The following ZFP62 variants were observed in gnomAD, a reference collection of about 807,000 sequenced individuals.
ZFP62 encodes the protein zinc finger protein 62 homolog.
In ZFP62, 44 loss-of-function variants were observed where a neutral mutation model predicts 56.4. That is an observed-to-expected ratio of 0.78 (90% CI 0.61 to 1.00). The LOEUF is 1.00. Among genes scored for constraint, ZFP62 ranks in the 50% least tolerant of loss-of-function variants. ZFP62 has a pLI of 0.00. For synonymous variants in ZFP62, 421 were observed against 388.9 expected (o/e 1.08, Z -0.97); for missense variants, 1,030 against 1,085.7 (o/e 0.95, Z 0.72).
intron 1 of ZFP62, among the ~76,000 whole-genome samples, chr5:180,852,521 T>C (rs1360327653): frequency 7.2e-6 from 1 of 139,396 alleles, no homozygotes; most frequent in Non-Finnish European, 1.5e-5. Flanking sequence ...TCCACTGCAC[T>C]CCAGCCTGGT....
intron 1 of ZFP62, among the ~76,000 whole-genome samples, chr5:180,853,417 C>A (rs1773816896): frequency 2.0e-5 from 3 of 152,204 alleles, no homozygotes; most frequent in Admixed American, 2.0e-4. Flanking sequence ...TGAGGTTCAT[C>A]ACCTACAAGG....
Position 180,847,780 on chromosome 5 carries a change from A to C in ZFP62, c.*1012T>G. On this transcript the variant is annotated 3_prime_UTR_variant, in exon 2 of 2. Coordinates refer to ENST00000502412, the MANE Select transcript of ZFP62 (RefSeq NM_001172638.2). ...CTTTACAATAACACATTCCAAAAAC[A>C]ATCAAACATTTAACAGGATTATTAA... is the stretch of plus-strand genomic sequence containing the variant. 2 of 985,454 alleles carry C rather than the reference A, an allele frequency of 2.0e-6. No homozygotes were observed. The allele number at this position is 985,454 out of a possible 1,614,324, so 61.0% of individuals were successfully genotyped here.
the ZFP62 span, chr5:180,831,610 G>C: frequency 9.2e-5 from 14 of 152,680 alleles, no homozygotes; most frequent in African/African-American, 3.4e-4. Flanking sequence ...CCCAGCAGGG[G>C]GCGGGGACGC....
chr5:180,836,463 G>C, the ZFP62 span, among the ~76,000 whole-genome samples: 1 of 152,156 alleles, frequency 6.6e-6, no homozygotes, highest in Non-Finnish European at 1.5e-5. Context: ...TCCCCTGTGG[G>C]TCTCTCAATC....
downstream of ZFP62, among the ~76,000 whole-genome samples, chr5:180,846,242 C>A (rs189741811): frequency 6.6e-6 from 1 of 152,112 alleles, no homozygotes; most frequent in Non-Finnish European, 1.5e-5. Context: ...AGATGGGGGC[C>A]GCAGTAGGAG....
chr5:180,834,934 C>G, the ZFP62 span: 1 of 149,698 alleles, frequency 6.7e-6, no homozygotes, highest in Non-Finnish European at 1.5e-5. Context: ...GACACAAAAG[C>G]TTGCTCTCTC....
the ZFP62 span, chr5:180,834,429 T>C: frequency 2.0e-5 from 3 of 152,364 alleles, no homozygotes; most frequent in Admixed American, 1.3e-4. Flanking sequence ...CACATGAATG[T>C]TGGGAGACAC....
the ZFP62 span, among the ~76,000 whole-genome samples, chr5:180,836,320 T>C: frequency 6.6e-6 from 1 of 152,260 alleles, no homozygotes; most frequent in Admixed American, 6.5e-5. Flanking sequence ...AGTAGGGCCA[T>C]TGCCCTCTGA....
In ZFP62 at chr5:180,849,004, T is replaced by C; in HGVS notation, c.2491A>G (p.Lys831Glu). Residue 831 changes from lysine to glutamate, a missense_variant, in exon 2 of 2, where the codon AAA (lysine) becomes GAA (glutamate). By Grantham distance (56) the Lys-to-Glu change is moderately conservative (BLOSUM62 1). Coordinates refer to ENST00000502412, the MANE Select transcript of ZFP62 (RefSeq NM_001172638.2). ...GGCTTCTTTCCAGTGTGGATCCTTT[T>C]GTGCTGGTCAAGGACTGATCTATAA... Reference protein sequence around the residue: ...FNYRSVLDQHKRIHTGKKPYR... With the variant: ...FNYRSVLDQHERIHTGKKPYR... 4 of 1,551,884 alleles carry C rather than the reference T, an allele frequency of 2.6e-6. No homozygotes were observed. The South Asian group carries it at 3.6e-5, about 14-fold the overall frequency.
chr5:180,850,515 T>C lies in ZFP62; in HGVS notation c.980A>G (p.His327Arg), dbSNP rs1178599007. 2.6e-6 allele frequency: 4 copies of C among 1,553,132 alleles called. No individual in the cohort carries two copies. Among genetic ancestry groups the C allele is most frequent in the Non-Finnish European group, 3.5e-6 (4 of 1,147,842 alleles). The change falls in exon 2 of 2, where the codon CAT (histidine) becomes CGT (arginine). Residue 327 changes from histidine to arginine, a missense_variant. His to Arg is a conservative substitution (Grantham distance 29). Coordinates refer to ENST00000502412, the MANE Select transcript of ZFP62 (RefSeq NM_001172638.2). ...TTTATCTCCAAAGTGGATGCTTTTA[T>C]GGTTGAGAAGTGTTCTACAAGTAAT... ...AFITCRTLLN[H>R]KSIHFGDKPY...
At chr5:180,859,259 C>T (rs1774173539) in intron 1 of ZFP62, among the ~76,000 whole-genome samples, 2 of 152,168 alleles carry the variant, frequency 1.3e-5, no homozygotes, top group South Asian at 4.1e-4. Flanking sequence ...CACCTTAAAT[C>T]CTTGGATACT....
intron 1 of ZFP62, among the ~76,000 whole-genome samples, chr5:180,856,810 C>T (rs777325526): frequency 4.6e-5 from 7 of 151,594 alleles, no homozygotes; most frequent in African/African-American, 4.9e-5. Flanking sequence ...AAAAAATGGC[C>T]GGGCATGGTG....
Position 180,849,990 on chromosome 5 carries a change from T to A in ZFP62, c.1505A>T (p.Glu502Val). Residue 502 changes from glutamate to valine, a missense_variant, in exon 2 of 2, where the codon GAG (glutamate) becomes GTG (valine). Glu to Val is a moderately radical substitution (Grantham distance 121, BLOSUM62 -2). Transcript: ENST00000502412. Reference sequence around the variant, plus strand: ...ACAATAGCTACATTTATAGGGCTTCTCCCCAAGGTGGATTCCTTTGTGATT... The same window carrying A: ...ACAATAGCTACATTTATAGGGCTTCACCCCAAGGTGGATTCCTTTGTGATT... ...LKNHKGIHLG[E>V]KPYKCSYCEK... 1 of 1,551,718 alleles carries A rather than the reference T, an allele frequency of 6.4e-7. No individual in the cohort carries two copies. Among genetic ancestry groups the A allele is most frequent in the Non-Finnish European group, 8.7e-7 (1 of 1,146,994 alleles).
the ZFP62 span, among the ~76,000 whole-genome samples, chr5:180,828,632 T>TATGATA: frequency 1.3e-5 from 2 of 152,252 alleles, no homozygotes; most frequent in East Asian, 3.8e-4. Context: ...TCAGGATCAC[T>TATGATA]ATGATAATTG....
chr5:180,830,834 C>G, the ZFP62 span: 1 of 152,354 alleles, frequency 6.6e-6, no homozygotes, highest in Non-Finnish European at 1.5e-5. Flanking sequence ...GCAGAGGTAG[C>G]TACCATTTGC....
chr5:180,839,951 T>G, the ZFP62 span, among the ~76,000 whole-genome samples: 104,748 of 151,978 alleles, frequency 0.69, 38,627 homozygotes, highest in East Asian at 0.96. Context: ...GGTTAATTAA[T>G]GAAGAACTAA....
rs1388771811 is a variant in ZFP62, at chr5:180,856,978, A to AAAT, written c.1+4240_1+4241insATT. On this transcript the variant is annotated intron_variant, in intron 1 of 1. Transcript: ENST00000502412. The stretch of plus-strand genomic sequence containing the variant: ...AAAAAAAAAAAAAAAAAAAAAAAAA[A>AAAT]GCAAATACAGGACATGGAGGGTGGG... Among the ~76,000 whole-genome samples, 2 of 129,810 alleles carry AAAT rather than the reference A, an allele frequency of 1.5e-5. 1 individual carries two copies. The highest frequency in any genetic ancestry group is 5.9e-5 in the African/African-American group (2 of 33,976). 85.2% of individuals were successfully genotyped at this position (129,810 alleles called of 152,430 possible).
At chr5:180,838,913 G>T in the ZFP62 span, among the ~76,000 whole-genome samples, 2 of 152,136 alleles carry the variant, frequency 1.3e-5, no homozygotes, top group African/African-American at 4.8e-5. Context: ...CAGCAATTCT[G>T]CCTTTAGAAA....
rs1773489773 is a variant in ZFP62, at chr5:180,848,292, C to T, written c.*500G>A. On this transcript the variant is annotated 3_prime_UTR_variant, in exon 2 of 2. Coordinates refer to ENST00000502412, the MANE Select transcript of ZFP62 (RefSeq NM_001172638.2). The stretch of plus-strand genomic sequence containing the variant: ...ACATCAAGTTTATACTTAAAGACCA[C>T]TAATATTAAATAAATTTATATTCCC... 4.1e-6 allele frequency: 4 copies of T among 985,474 alleles called. No individual in the cohort carries two copies. The highest frequency in any genetic ancestry group is 1.7e-5 in the African/African-American group (1 of 57,210). 61.0% of individuals were successfully genotyped at this position (985,474 alleles called of 1,614,324 possible).
Sources: gnomAD v4.1 joint callset for allele counts (sites outside exome capture counted in the v4.1 genomes callset) on GRCh38, gnomAD v4.1.1 for gene constraint, MANE v1.5 for transcripts, NCBI Gene and HGNC (gene_info 2026-07-23, HGNC 2026-07-21) for gene names.